PPP3CA: variants seen among roughly 807,000 people sequenced by gnomAD.
PPP3CA encodes the protein protein phosphatase 3 catalytic subunit alpha, also known as CAM-PRP catalytic subunit.
A neutral mutation model predicts 66.5 loss-of-function variants in PPP3CA; 14 were observed. The observed-to-expected ratio is 0.21, with a 90% CI of 0.14 to 0.33. The LOEUF is 0.33. Ranked by LOEUF, PPP3CA falls within the 10% of genes least tolerant of loss-of-function variation. The probability of loss-of-function intolerance (pLI) is 1.00; values close to 1 mark genes in which losing one functional copy is unlikely to be tolerated. For synonymous variants in PPP3CA, 232 were observed against 226.2 expected (o/e 1.03, Z -0.23); for missense variants, 317 against 639.5 (o/e 0.50, Z 5.44).
At chr4:101,344,074 T>C (rs1243626226) in intron 1 of PPP3CA, among the ~76,000 whole-genome samples, 1 of 152,150 alleles carries the variant, frequency 6.6e-6, no homozygotes, top group East Asian at 1.9e-4. Flanking sequence ...GCACAAATAC[T>C]TCCTCAAAGA....
At chr4:101,341,702 A>G (rs914450041) in intron 1 of PPP3CA, among the ~76,000 whole-genome samples, 3 of 152,194 alleles carry the variant, frequency 2.0e-5, no homozygotes, top group African/African-American at 7.2e-5. Flanking sequence ...TGAAGTTATA[A>G]CATATACCAG....
rs368493156 is a variant in PPP3CA at position 101,181,192 on chromosome 4, C to G, written c.259+14724G>C. 2.6e-5 allele frequency among the ~76,000 whole-genome samples: 4 copies of G among 152,018 alleles called. No individual in the cohort carries two copies. The South Asian group carries it at 6.2e-4, about 24-fold the overall frequency. Reference sequence around the variant, plus strand: ...ATGAGAATTTTTTCAAATTGGTAGACCATCACAAGTTTATGATCACCATAT... The same window carrying G: ...ATGAGAATTTTTTCAAATTGGTAGAGCATCACAAGTTTATGATCACCATAT... On this transcript the variant is annotated intron_variant, in intron 2 of 13. Coordinates refer to ENST00000394854, the MANE Select transcript of PPP3CA (RefSeq NM_000944.5).
Position 101,347,080 on chromosome 4 carries a change from A to G in PPP3CA, c.-284T>C. On this transcript the variant is annotated 5_prime_UTR_variant, in exon 1 of 14. Transcript: ENST00000394854. ...GTGGTTATTTATTTATTTTCTGAGC[A>G]CGCCTCCCGGTTCTTCTTTTATTCT... The G allele has an allele frequency of 1.9e-6, 1 of 532,698 alleles. No individual in the cohort carries two copies. Among genetic ancestry groups the G allele is most frequent in the East Asian group, 3.5e-5 (1 of 28,494 alleles). 33.0% of individuals were successfully genotyped at this position (532,698 alleles called of 1,614,324 possible). A position where few individuals can be genotyped will look rare whatever the true frequency, so the allele number is the denominator to read the frequency against.
intron 1 of PPP3CA, among the ~76,000 whole-genome samples, chr4:101,222,911 C>G (rs1047520912): frequency 6.6e-6 from 1 of 151,780 alleles, no homozygotes; most frequent in East Asian, 1.9e-4. Context: ...ATTTAATTAT[C>G]CATGCCAATC....
At chr4:101,283,256 T>C (rs958799173) in intron 1 of PPP3CA, among the ~76,000 whole-genome samples, 6 of 152,210 alleles carry the variant, frequency 3.9e-5, no homozygotes, top group African/African-American at 1.2e-4. Flanking sequence ...CAAGTATCTA[T>C]CCCTAATGTG....
intron 2 of PPP3CA, among the ~76,000 whole-genome samples, chr4:101,167,434 A>G (rs1242449354): frequency 1.4e-4 from 22 of 152,242 alleles, no homozygotes. Flanking sequence ...GAATATGTGT[A>G]CAAGTATTTA....
At chr4:101,033,293 AACACACACACAC>A (rs70961772) in intron 11 of PPP3CA, among the ~76,000 whole-genome samples, 48 of 139,370 alleles carry the variant, frequency 3.4e-4, no homozygotes, top group Non-Finnish European at 6.0e-4. Flanking sequence ...CACACACACA[AACACACACACAC>A]ACACACACAC....
chr4:101,172,591 T>C (rs1723921272), intron 2 of PPP3CA, among the ~76,000 whole-genome samples: 1 of 152,158 alleles, frequency 6.6e-6, no homozygotes, highest in Non-Finnish European at 1.5e-5. Flanking sequence ...AACGAGTCTT[T>C]GTCCCCCTTC....
intron 7 of PPP3CA, among the ~76,000 whole-genome samples, chr4:101,082,679 T>G (rs977450628): frequency 5.9e-5 from 9 of 152,220 alleles, no homozygotes; most frequent in Non-Finnish European, 1.2e-4. Flanking sequence ...ACATAAACTT[T>G]TCCCTGTTTT....
intron 1 of PPP3CA, among the ~76,000 whole-genome samples, chr4:101,254,935 G>C (rs1276421114): frequency 6.6e-6 from 1 of 151,024 alleles, no homozygotes; most frequent in Non-Finnish European, 1.5e-5. Flanking sequence ...GCATAAGACA[G>C]GACCTCGTAT....
At chr4:101,277,286 TTATC>T (rs1264428567) in intron 1 of PPP3CA, among the ~76,000 whole-genome samples, 1 of 152,196 alleles carries the variant, frequency 6.6e-6, no homozygotes, top group African/African-American at 2.4e-5. Context: ...GTACCACAGT[TTATC>T]TATCCATTCA....
intron 1 of PPP3CA, among the ~76,000 whole-genome samples, chr4:101,283,514 C>G (rs1440022643): frequency 6.6e-6 from 1 of 152,086 alleles, no homozygotes; most frequent in Non-Finnish European, 1.5e-5. Flanking sequence ...AGTAAATTAA[C>G]AAAATAAGAG....
At chr4:101,155,094 C>T (rs976762667) in intron 2 of PPP3CA, among the ~76,000 whole-genome samples, 3 of 152,058 alleles carry the variant, frequency 2.0e-5, no homozygotes, top group Admixed American at 6.6e-5. Context: ...GGATTACGGG[C>T]GTGAGCCAAC....
At position 101,024,854 on chromosome 4, in the gene PPP3CA, T is replaced by C. The variant is rs1272956566; in HGVS notation, c.*1011A>G. The C allele has an allele frequency of 1.3e-5, 2 of 152,564 alleles. No homozygotes were observed. Among genetic ancestry groups the C allele is most frequent in the Non-Finnish European group, 2.9e-5 (2 of 68,032 alleles). 9.5% of individuals were successfully genotyped at this position (152,564 alleles called of 1,614,324 possible). A position where few individuals can be genotyped will look rare whatever the true frequency, so the allele number is the denominator to read the frequency against. ...TATAAAGTACGCCAGTATACATACA[T>C]TTCCAGTATATGTCAGACCACTAAG... is the stretch of plus-strand genomic sequence containing the variant. On this transcript the variant is annotated 3_prime_UTR_variant, in exon 14 of 14. Transcript: ENST00000394854.
intron 1 of PPP3CA, among the ~76,000 whole-genome samples, chr4:101,264,193 T>C (rs761130955): frequency 8.5e-5 from 13 of 152,240 alleles, no homozygotes; most frequent in Non-Finnish European, 1.6e-4. Flanking sequence ...CATTTTCATA[T>C]CTTTTTCCCC....
chr4:101,099,500 C>A, intron 4 of PPP3CA, 111 bp downstream of exon 4: 1 of 518,156 alleles, frequency 1.9e-6, no homozygotes. Flanking sequence ...AAGAGTGTCA[C>A]TTTAAGTCTT....
chr4:101,161,702 C>G (rs1303305059), intron 2 of PPP3CA, among the ~76,000 whole-genome samples: 1 of 152,036 alleles, frequency 6.6e-6, no homozygotes, highest in Admixed American at 6.5e-5. Context: ...CAATTCTGAA[C>G]AAATTCAAGT....
intron 1 of PPP3CA, among the ~76,000 whole-genome samples, chr4:101,327,765 C>T (rs1729251344): frequency 6.6e-6 from 1 of 152,066 alleles, no homozygotes; most frequent in African/African-American, 2.4e-5. Flanking sequence ...GAAATAAACA[C>T]ACACAGCAGG....
chr4:101,059,851 C>A (rs972518322), intron 10 of PPP3CA, among the ~76,000 whole-genome samples: 1 of 152,022 alleles, frequency 6.6e-6, no homozygotes, highest in Admixed American at 6.6e-5. Flanking sequence ...CATCTTGTAG[C>A]CCTGGGTGTC....
Sources: gnomAD v4.1 joint callset for allele counts (sites outside exome capture counted in the v4.1 genomes callset) on GRCh38, gnomAD v4.1.1 for gene constraint, MANE v1.5 for transcripts, NCBI Gene and HGNC (gene_info 2026-07-23, HGNC 2026-07-21) for gene names.